Variants in PPP4R1 observed in about 807,000 individuals in gnomAD.
The protein encoded by PPP4R1 is serine/threonine-protein phosphatase 4 regulatory subunit 1.
A neutral mutation model predicts 111.2 loss-of-function variants in PPP4R1; 42 were observed. The observed-to-expected ratio is 0.38, with a 90% CI of 0.29 to 0.49. The LOEUF is 0.49. Ranked by LOEUF, PPP4R1 falls within the 20% of genes least tolerant of loss-of-function variation. The pLI is 0.97. For missense variants in PPP4R1, 1,012 were observed against 1,161.6 expected (o/e 0.87, Z 1.87); for synonymous variants, 409 against 405.5 (o/e 1.01, Z -0.10).
chr18:9,608,295 T>C (rs965930830), intron 2 of PPP4R1, among the ~76,000 whole-genome samples: 1 of 152,184 alleles, frequency 6.6e-6, no homozygotes, highest in African/African-American at 2.4e-5. Context: ...AGAGAATAAA[T>C]GGCAGGGCCA....
intron 2 of PPP4R1, among the ~76,000 whole-genome samples, chr18:9,604,687 C>T (rs866109454): frequency 2.6e-5 from 4 of 152,120 alleles, no homozygotes; most frequent in African/African-American, 9.7e-5. Flanking sequence ...GGTGCCCTTG[C>T]TTTTACTCCA....
At chr18:9,615,073 C>T (rs941386597), upstream of PPP4R1, 3 of 152,352 alleles carry the variant, frequency 2.0e-5, no homozygotes, top group African/African-American at 7.2e-5. Context: ...GCCGGGGTCC[C>T]ACCTCCTCTT....
chr18:9,559,259 AAG>A (rs1482771672), intron 14 of PPP4R1, among the ~76,000 whole-genome samples, 158 bp downstream of exon 14: 1 of 152,228 alleles, frequency 6.6e-6, no homozygotes, highest in South Asian at 2.1e-4. Flanking sequence ...ACACTGCAAA[AAG>A]AACATGCTCT....
At chr18:9,563,616 C>T in intron 11 of PPP4R1, 66 bp from the exon 12 acceptor site, 1 of 1,402,898 alleles carries the variant, frequency 7.1e-7, no homozygotes, top group Non-Finnish European at 9.7e-7. Flanking sequence ...CAAGGCTGTT[C>T]TCCATTTGCA....
At chr18:9,608,667 C>G (rs2067525844) in intron 2 of PPP4R1, among the ~76,000 whole-genome samples, 1 of 152,196 alleles carries the variant, frequency 6.6e-6, no homozygotes, top group African/African-American at 2.4e-5. Flanking sequence ...GCCCAAAACA[C>G]TAAGTTAGGT....
rs1475596391 is a variant in PPP4R1, at chr18:9,564,737, T to TGTGTGTGTGG, written c.1574-1188_1574-1187insCCACACACAC. Among the ~76,000 whole-genome samples the TGTGTGTGTGG allele has an allele frequency of 1.4e-3, 93 of 68,008 alleles. 1 individual carries two copies. Among genetic ancestry groups the TGTGTGTGTGG allele is most frequent in the Admixed American group, 4.2e-3 (29 of 6,924 alleles). The allele number at this position is 68,008 out of a possible 152,430, so 44.6% of individuals were successfully genotyped here. A position where few individuals can be genotyped will look rare whatever the true frequency, so the allele number is the denominator to read the frequency against. ...GTGTGTGTGTGTGTGTGTGTGTGTG[T>TGTGTGTGTGG]GGGGGTATCATCCCCCATCCATTCT... On this transcript the variant is annotated intron_variant, in intron 11 of 19. Coordinates refer to ENST00000400556, the MANE Select transcript of PPP4R1 (RefSeq NM_001042388.3).
At chr18:9,599,249 G>A (rs780573105) in intron 2 of PPP4R1, among the ~76,000 whole-genome samples, 2 of 152,142 alleles carry the variant, frequency 1.3e-5, no homozygotes, top group Non-Finnish European at 2.9e-5. Flanking sequence ...CTCTTACGCT[G>A]TGTGTGAAGA....
chr18:9,599,080 C>G (rs1402703523), intron 2 of PPP4R1, among the ~76,000 whole-genome samples: 1 of 151,850 alleles, frequency 6.6e-6, no homozygotes, highest in East Asian at 1.9e-4. Context: ...TAAAAAATTT[C>G]TTATTTTTCA....
In PPP4R1 at chr18:9,547,078, T is replaced by C. The variant is rs2066412909; in HGVS notation, c.*711A>G. 1.3e-5 allele frequency: 2 copies of C among 152,632 alleles called. No homozygotes were observed. The highest frequency in any genetic ancestry group is 2.9e-5 in the Non-Finnish European group (2 of 68,060). The allele number at this position is 152,632 out of a possible 1,614,324, so 9.5% of individuals were successfully genotyped here. On this transcript the variant is annotated 3_prime_UTR_variant, in exon 20 of 20. Coordinates refer to ENST00000400556, the MANE Select transcript of PPP4R1 (RefSeq NM_001042388.3). ...ATGATCAAGTTAAAAACACCAGACA[T>C]ACATTATACGTCTAATAAATTTCCT...
chr18:9,549,456 C>A, intron 18 of PPP4R1, 118 bp from the exon 19 acceptor site: 1 of 1,227,566 alleles, frequency 8.1e-7, no homozygotes, highest in African/African-American at 1.5e-5. Flanking sequence ...GCTTTTTAAC[C>A]AAAATTCCAC....
Position 9,550,202 on chromosome 18 carries a change from T to C in PPP4R1, c.2413-16A>G. The C allele has an allele frequency of 1.9e-6, 3 of 1,614,092 alleles. No homozygotes were observed. Among genetic ancestry groups the C allele is most frequent in the East Asian group, 2.2e-5 (1 of 44,876 alleles). ...TCTCGCTGACCTGGGAGGGTGAGCA[T>C]GGAGAAATGAGGAACAGCTTCCATT... On this transcript the variant is annotated splice_polypyrimidine_tract_variant and intron_variant, in intron 17 of 19. Coordinates refer to ENST00000400556, the MANE Select transcript of PPP4R1 (RefSeq NM_001042388.3).
At chr18:9,549,362 TA>T in intron 18 of PPP4R1, 24 bp from the exon 19 acceptor site, 1 of 1,573,446 alleles carries the variant, frequency 6.4e-7, no homozygotes, top group Non-Finnish European at 8.7e-7. Flanking sequence ...ACAGCTGCTC[TA>T]GGCTTCTCTG....
intron 10 of PPP4R1, among the ~76,000 whole-genome samples, chr18:9,570,993 A>C (rs1452295468): frequency 6.6e-6 from 1 of 152,208 alleles, no homozygotes; most frequent in African/African-American, 2.4e-5. Flanking sequence ...TAAATAACTA[A>C]AGAAAAGTAG....
chr18:9,593,947 G>A (rs1456509897), intron 3 of PPP4R1, 73 bp from the exon 4 acceptor site: 10 of 1,196,024 alleles, frequency 8.4e-6, no homozygotes, highest in Non-Finnish European at 1.2e-5. Context: ...AATTTTTTGA[G>A]ACAGGGCCTC....
chr18:9,577,048 G>A lies in PPP4R1; in HGVS notation c.1046+16C>T, dbSNP rs1442409916. Reference sequence around the variant, plus strand: ...AAACAAGGTTTTAAAATTAGAAAATGGTTTCAAAATTATACCTATTTTTGT... The same window carrying A: ...AAACAAGGTTTTAAAATTAGAAAATAGTTTCAAAATTATACCTATTTTTGT... On this transcript the variant is annotated intron_variant, in intron 10 of 19. Transcript: ENST00000400556. 6.6e-7 allele frequency: 1 copy of A among 1,506,138 alleles called. No individual in the cohort carries two copies. The highest frequency in any genetic ancestry group is 9.0e-7 in the Non-Finnish European group (1 of 1,115,424). The allele number at this position is 1,506,138 out of a possible 1,614,324, so 93.3% of individuals were successfully genotyped here.
rs1317125317 is a variant in PPP4R1, at chr18:9,588,785, G to T, written c.364C>A (p.Pro122Thr). ...TTTGAAAAAGCATATGGTATTGAAGGCCGGTTTTCTTGACAAAACAGTGCG... is the reference window on the plus strand; with the variant it reads ...TTTGAAAAAGCATATGGTATTGAAGTCCGGTTTTCTTGACAAAACAGTGCG... ...HIALFCQENR[P>T]SIPYAFSKFL... is the part of the protein sequence containing the mutation. The change falls in exon 5 of 20, where the codon CCT (proline) becomes ACT (threonine). Residue 122 changes from proline (P) to threonine (T), a missense_variant. Pro to Thr is a conservative substitution (Grantham distance 38). This residue lies in a region of PPP4R1 where 707 missense variants were observed against 742.1 expected (regional missense o/e 0.95). Coordinates refer to ENST00000400556, the MANE Select transcript of PPP4R1 (RefSeq NM_001042388.3). 2 of 1,614,030 alleles carry T rather than the reference G, an allele frequency of 1.2e-6. No individual in the cohort carries two copies. Among genetic ancestry groups the T allele is most frequent in the Admixed American group, 1.7e-5 (1 of 60,014 alleles).
At position 9,586,382 on chromosome 18, in the gene PPP4R1, A is replaced by C. The variant is rs563666124; in HGVS notation, c.586-1554T>G. 3.3e-5 allele frequency among the ~76,000 whole-genome samples: 5 copies of C among 152,268 alleles called. No homozygotes were observed. The South Asian group carries it at 1.0e-3, about 32-fold the overall frequency. ...ATAAACCAAAAATTAGGCCAAGCCC[A>C]AAACTGATTTCCTTCATTGCAAAAA... On this transcript the variant is annotated intron_variant, in intron 6 of 19. Coordinates refer to ENST00000400556, the MANE Select transcript of PPP4R1 (RefSeq NM_001042388.3).
chr18:9,576,329 G>A (rs1171310088), intron 10 of PPP4R1, among the ~76,000 whole-genome samples: 1 of 152,108 alleles, frequency 6.6e-6, no homozygotes, highest in South Asian at 2.1e-4. Flanking sequence ...GTGCATAACT[G>A]TAAAAGTTTG....
In PPP4R1 at chr18:9,547,584, CAAGAT is replaced by C. The variant is rs766683536; in HGVS notation, c.*200_*204del. On this transcript the variant is annotated 3_prime_UTR_variant, in exon 20 of 20. Transcript: ENST00000400556. ...CTGAGAAATTATTTCCCCTTAAAGT[CAAGAT>C]AAGATAATAGTGTTTACTGTACTTT... 487 of 493,292 alleles carry C rather than the reference CAAGAT, an allele frequency of 9.9e-4. 1 individual carries two copies. Among genetic ancestry groups the C allele is most frequent in the Non-Finnish European group, 1.6e-3 (438 of 278,626 alleles). The allele number at this position is 493,292 out of a possible 1,614,324, so 30.6% of individuals were successfully genotyped here.
Sources: gnomAD v4.1 joint callset for allele counts (sites outside exome capture counted in the v4.1 genomes callset) on GRCh38, gnomAD v4.1.1 for gene constraint, gnomAD v4.1.1 regional missense constraint, MANE v1.5 for transcripts, NCBI Gene and HGNC (gene_info 2026-07-23, HGNC 2026-07-21) for gene names.